Variants in SMOC2 observed in about 807,000 individuals in gnomAD.
The protein encoded by SMOC2 is SPARC related modular calcium binding 2, also known as SPARC-related modular calcium-binding protein 2.
A neutral mutation model predicts 61.4 loss-of-function variants in SMOC2; 39 were observed. The observed-to-expected ratio is 0.64, with a 90% CI of 0.49 to 0.83. The LOEUF is 0.83. Ranked by LOEUF, SMOC2 falls within the 40% of genes least tolerant of loss-of-function variation. SMOC2 has a pLI of 0.00. For synonymous variants in SMOC2, 247 were observed against 239.9 expected (o/e 1.03, Z -0.27); for missense variants, 556 against 592.9 (o/e 0.94, Z 0.65).
chr6:168,622,028 T>C (rs974846310), intron 9 of SMOC2, among the ~76,000 whole-genome samples: 5 of 152,078 alleles, frequency 3.3e-5, no homozygotes, highest in Non-Finnish European at 5.9e-5. Context: ...AGCAGTGGCA[T>C]GATCTCGGCT....
rs141422223 is a variant in SMOC2 at position 168,511,255 on chromosome 6, G to A, written c.256+1169G>A. Among the ~76,000 whole-genome samples, 9 of 152,254 alleles carry A rather than the reference G, an allele frequency of 5.9e-5. No homozygotes were observed. The East Asian group carries it at 1.2e-3, about 20-fold the overall frequency. On this transcript the variant is annotated intron_variant, in intron 2 of 12. Coordinates refer to ENST00000356284, the MANE Select transcript of SMOC2 (RefSeq NM_001166412.2). ...TGCTAATAAAGACATACCCAAGACCGGTACATTTATAAGGAAAGGTGTTTA... is the reference window on the plus strand; with the variant it reads ...TGCTAATAAAGACATACCCAAGACCAGTACATTTATAAGGAAAGGTGTTTA...
chr6:168,459,446 C>T (rs1481145238), intron 1 of SMOC2, among the ~76,000 whole-genome samples: 1 of 152,136 alleles, frequency 6.6e-6, no homozygotes, highest in East Asian at 1.9e-4. Context: ...TTCCTTCGGT[C>T]ATGCCTGGGT....
At chr6:168,567,712 G>A (rs192951159) in intron 7 of SMOC2, among the ~76,000 whole-genome samples, 145 of 152,284 alleles carry the variant, frequency 9.5e-4, no homozygotes, top group African/African-American at 2.6e-3. Context: ...GACTTGATTC[G>A]GTCCAGAAAC....
chr6:168,523,104 C>T lies in SMOC2; in HGVS notation c.257-3242C>T, dbSNP rs1400557878. 2.2e-3 allele frequency among the ~76,000 whole-genome samples: 23 copies of T among 10,404 alleles called. 1 individual carries two copies. The highest frequency in any genetic ancestry group is 0.015 in the Non-Finnish European group (12 of 812). The allele number at this position is 10,404 out of a possible 152,430, so 6.8% of individuals were successfully genotyped here. ...ATTTTTTTTTTTTTTTTTTTTGAGA[C>T]GGAGTCTCGCTCTGTCGCCCAGGCC... is the stretch of plus-strand genomic sequence containing the variant. On this transcript the variant is annotated intron_variant, in intron 2 of 12. Transcript: ENST00000356284.
At chr6:168,564,206 G>C (rs911945472) in intron 7 of SMOC2, among the ~76,000 whole-genome samples, 2 of 152,010 alleles carry the variant, frequency 1.3e-5, no homozygotes. Flanking sequence ...CTAGATACAA[G>C]TCCTTACCAG....
chr6:168,519,441 A>G (rs963176992), intron 2 of SMOC2, among the ~76,000 whole-genome samples: 1 of 152,156 alleles, frequency 6.6e-6, no homozygotes. Flanking sequence ...TACCCAGAGT[A>G]TGTTTACCTT....
intron 1 of SMOC2, among the ~76,000 whole-genome samples, chr6:168,483,204 C>CAA (rs1004965767): frequency 7.7e-4 from 116 of 151,612 alleles, no homozygotes; most frequent in Non-Finnish European, 1.2e-3. Context: ...CACACACACA[C>CAA]AAAAAAACTT....
intron 8 of SMOC2, among the ~76,000 whole-genome samples, chr6:168,599,282 ACC>A (rs1437717436): frequency 8.8e-6 from 1 of 114,010 alleles, no homozygotes; most frequent in Non-Finnish European, 1.8e-5. Context: ...GCTCTCACAC[ACC>A]CACACACACA....
Position 168,667,404 on chromosome 6 carries a change from C to A in SMOC2, c.*966C>A, listed in dbSNP as rs1404699420. Reference sequence around the variant, plus strand: ...GAAGGTACAGCCGGATACGTGGTGCCCCCGGGGCTGGTGTTGGCAGCCGGG... The same window carrying A: ...GAAGGTACAGCCGGATACGTGGTGCACCCGGGGCTGGTGTTGGCAGCCGGG... On this transcript the variant is annotated 3_prime_UTR_variant, in exon 13 of 13. Transcript: ENST00000356284. The A allele has an allele frequency of 1.3e-5, 2 of 152,198 alleles. No individual in the cohort carries two copies. Among genetic ancestry groups the A allele is most frequent in the African/African-American group, 4.8e-5 (2 of 41,442 alleles). The allele number at this position is 152,198 out of a possible 1,614,324, so 9.4% of individuals were successfully genotyped here. A position where few individuals can be genotyped will look rare whatever the true frequency, so the allele number is the denominator to read the frequency against.
chr6:168,611,996 T>C lies in SMOC2; in HGVS notation c.907+3757T>C, dbSNP rs558167727. On this transcript the variant is annotated intron_variant, in intron 9 of 12. Transcript: ENST00000356284. ...TGGGGAGGTGGAGACTGCACCTCCATGTTCCCGGCATCCGCGAGGTGGAAC... is the reference window on the plus strand; with the variant it reads ...TGGGGAGGTGGAGACTGCACCTCCACGTTCCCGGCATCCGCGAGGTGGAAC... 4.6e-5 allele frequency among the ~76,000 whole-genome samples: 7 copies of C among 152,308 alleles called. No homozygotes were observed. In the East Asian group the frequency reaches 5.8e-4, roughly 13 times the overall value.
rs1326405972 is a variant in SMOC2 at position 168,510,051 on chromosome 6, C to T, written c.221C>T (p.Pro74Leu). ...TTTCAACGTGCCAAGTGCAAAGATC[C>T]CCAGCTAGAGATTGCATATCGAGGA... ...CEFQRAKCKD[P>L]QLEIAYRGNC... is the part of the protein sequence containing the mutation. The change falls in exon 2 of 13, where the codon CCC (proline) becomes CTC (leucine). Residue 74 changes from proline (P) to leucine (L), a missense_variant. Pro to Leu is a moderately conservative substitution (Grantham distance 98). Coordinates refer to ENST00000356284, the MANE Select transcript of SMOC2 (RefSeq NM_001166412.2). 2.5e-6 allele frequency: 4 copies of T among 1,614,166 alleles called. No individual in the cohort carries two copies. Among genetic ancestry groups the T allele is most frequent in the Non-Finnish European group, 3.4e-6 (4 of 1,180,022 alleles).
At chr6:168,578,874 G>C (rs1784864937) in intron 7 of SMOC2, among the ~76,000 whole-genome samples, 1 of 152,152 alleles carries the variant, frequency 6.6e-6, no homozygotes, top group African/African-American at 2.4e-5. Context: ...TTTTCAAGTA[G>C]GGATCGCTGC....
chr6:168,563,098 C>T lies in SMOC2; in HGVS notation c.637+13895C>T, dbSNP rs566046706. On this transcript the variant is annotated intron_variant, in intron 7 of 12. Transcript: ENST00000356284. ...AGCAGCTGGGCACCTGTGCCACAGC[C>T]GCCACAGACTCAGCCTCTGCTGCCA... 4.6e-5 allele frequency among the ~76,000 whole-genome samples: 7 copies of T among 152,258 alleles called. No homozygotes were observed. The East Asian group carries it at 5.8e-4, about 13-fold the overall frequency.
chr6:168,478,101 T>C (rs1242751996), intron 1 of SMOC2, among the ~76,000 whole-genome samples: 1 of 152,164 alleles, frequency 6.6e-6, no homozygotes, highest in Non-Finnish European at 1.5e-5. Flanking sequence ...TGAAGGGAAG[T>C]GGGGCCATTT....
chr6:168,534,769 C>T (rs1181748882), intron 4 of SMOC2, among the ~76,000 whole-genome samples: 2 of 152,106 alleles, frequency 1.3e-5, no homozygotes, highest in East Asian at 3.9e-4. Context: ...TGTACTGGAG[C>T]CTCACATGAG....
intron 1 of SMOC2, among the ~76,000 whole-genome samples, chr6:168,464,577 T>TA (rs756795535): frequency 1.3e-5 from 2 of 151,408 alleles, no homozygotes; most frequent in Non-Finnish European, 2.9e-5. Flanking sequence ...TTTTTTTTTT[T>TA]AACATACTTT....
intron 1 of SMOC2, among the ~76,000 whole-genome samples, chr6:168,473,641 A>T (rs1782017031): frequency 6.6e-6 from 1 of 152,182 alleles, no homozygotes; most frequent in African/African-American, 2.4e-5. Flanking sequence ...TTTGTTAGAA[A>T]CAGACCAAAA....
chr6:168,644,381 C>G (rs2115264972), intron 9 of SMOC2, among the ~76,000 whole-genome samples: 1 of 152,302 alleles, frequency 6.6e-6, no homozygotes, highest in Non-Finnish European at 1.5e-5. Context: ...CATTTTATTT[C>G]TAGCTGTTTG....
intron 9 of SMOC2, among the ~76,000 whole-genome samples, chr6:168,637,293 C>T (rs953871450): frequency 2.0e-5 from 3 of 152,126 alleles, no homozygotes; most frequent in South Asian, 4.2e-4. Flanking sequence ...CCAGGGTGGC[C>T]GCGGCCTTCT....
Sources: gnomAD v4.1 joint callset for allele counts (sites outside exome capture counted in the v4.1 genomes callset) on GRCh38, gnomAD v4.1.1 for gene constraint, MANE v1.5 for transcripts, NCBI Gene and HGNC (gene_info 2026-07-23, HGNC 2026-07-21) for gene names.